Variants in CLIC5 observed in about 807,000 individuals in gnomAD.
The protein encoded by CLIC5 is CLIC family member 5.
Under a neutral mutation model 24.7 loss-of-function variants are expected in CLIC5, and 20 were observed. The observed-to-expected ratio is 0.81, with a 90% CI of 0.57 to 1.18. The LOEUF (loss-of-function observed/expected upper bound fraction) is 1.18, where lower values mean the gene tolerates loss of function less well. Among genes scored for constraint, CLIC5 ranks in the 50% most tolerant of loss-of-function variants. The pLI is 0.00. For synonymous variants in CLIC5, 159 were observed against 135.6 expected (o/e 1.17, Z -1.20); for missense variants, 341 against 326.1 (o/e 1.05, Z -0.35).
intron 1 of CLIC5, among the ~76,000 whole-genome samples, chr6:45,960,041 A>G (rs537707632): frequency 1.3e-5 from 2 of 152,168 alleles, no homozygotes; most frequent in Non-Finnish European, 2.9e-5. Flanking sequence ...GAAGCATACC[A>G]TATTGATATA....
intron 4 of CLIC5, among the ~76,000 whole-genome samples, chr6:45,933,451 GA>G (rs1197849652): frequency 6.6e-6 from 1 of 152,168 alleles, no homozygotes; most frequent in African/African-American, 2.4e-5. Flanking sequence ...TTTCAGTTTG[GA>G]AAACATGGCC....
chr6:46,081,931 C>A (rs367652264), upstream of CLIC5, among the ~76,000 whole-genome samples: 1 of 152,100 alleles, frequency 6.6e-6, no homozygotes, highest in East Asian at 1.9e-4. Flanking sequence ...CCCAAAGGAG[C>A]CTTTTCAGAT....
chr6:45,899,349 T>TC lies in CLIC5; in HGVS notation c.*3738dup, dbSNP rs1460619256. On this transcript the variant is annotated 3_prime_UTR_variant, in exon 6 of 6. Coordinates refer to ENST00000339561, the MANE Select transcript of CLIC5 (RefSeq NM_016929.5). ...TTAGTTTTAACCATGAGTTAACATT[T>TC]CCTTTTTCCAAGGAGGATGACACCA... The TC allele has an allele frequency of 2.6e-5, 4 of 152,362 alleles. No individual in the cohort carries two copies. The highest frequency in any genetic ancestry group is 2.6e-4 in the Admixed American group (4 of 15,308). The allele number at this position is 152,362 out of a possible 1,614,324, so 9.4% of individuals were successfully genotyped here. A position where few individuals can be genotyped will look rare whatever the true frequency, so the allele number is the denominator to read the frequency against.
chr6:46,074,035 C>A (rs1762694011), intron 1 of CLIC5, among the ~76,000 whole-genome samples: 1 of 152,120 alleles, frequency 6.6e-6, no homozygotes, highest in Admixed American at 6.5e-5. Context: ...GAAAGAGGTC[C>A]AGGCCCACAG....
At position 45,903,162 on chromosome 6, in the gene CLIC5, T is replaced by G. The variant is rs1197692023; in HGVS notation, c.682A>C (p.Thr228Pro). Residue 228 changes from threonine (T) to proline (P), a missense_variant, in exon 6 of 6, where the codon ACC becomes CCC. Thr to Pro is a conservative substitution (Grantham distance 38). Transcript: ENST00000339561. ...TCACTGTCAGCTGCACAGGTGTTGGTGAACTCATCACGGGCATAGGCGTTC... is the reference window on the plus strand; with the variant it reads ...TCACTGTCAGCTGCACAGGTGTTGGGGAACTCATCACGGGCATAGGCGTTC... ...LKNAYARDEF[T>P]NTCAADSEIE... The G allele has an allele frequency of 6.2e-7, 1 of 1,614,128 alleles. No homozygotes were observed. The highest frequency in any genetic ancestry group is 8.5e-7 in the Non-Finnish European group (1 of 1,180,006).
chr6:45,904,625 C>G (rs1009050701), intron 5 of CLIC5, among the ~76,000 whole-genome samples: 4 of 149,818 alleles, frequency 2.7e-5, no homozygotes, highest in African/African-American at 9.8e-5. Context: ...CTTCTGACTC[C>G]CCTCCCTCCC....
At chr6:46,027,608 A>G (rs567446244) in intron 1 of CLIC5, among the ~76,000 whole-genome samples, 15 of 152,368 alleles carry the variant, frequency 9.8e-5, no homozygotes, top group Non-Finnish European at 1.8e-4. Context: ...TTGAGTTTGC[A>G]GAAACTTACT....
intron 1 of CLIC5, among the ~76,000 whole-genome samples, chr6:45,976,038 C>T (rs1765374258): frequency 6.6e-6 from 1 of 152,164 alleles, no homozygotes; most frequent in South Asian, 2.1e-4. Flanking sequence ...GGGGGCTGCT[C>T]ATCTCTGGGC....
chr6:45,990,811 C>T (rs149186100), intron 1 of CLIC5, among the ~76,000 whole-genome samples: 263 of 152,314 alleles, frequency 1.7e-3, no homozygotes, highest in African/African-American at 6.0e-3. Flanking sequence ...TTAAGTGGCA[C>T]ACAGGTTGTT....
chr6:45,947,358 G>A (rs1455747680), intron 3 of CLIC5, among the ~76,000 whole-genome samples: 2 of 152,182 alleles, frequency 1.3e-5, no homozygotes, highest in African/African-American at 4.8e-5. Flanking sequence ...GAGATATCCT[G>A]TCACAGAGAA....
chr6:45,949,038 T>C (rs935752535), intron 3 of CLIC5, among the ~76,000 whole-genome samples: 14 of 152,058 alleles, frequency 9.2e-5, no homozygotes, highest in African/African-American at 3.4e-4. Flanking sequence ...CTGGCTCTTG[T>C]TCATAGGCCA....
At chr6:45,988,877 T>C (rs551565683) in intron 1 of CLIC5, among the ~76,000 whole-genome samples, 2 of 152,220 alleles carry the variant, frequency 1.3e-5, no homozygotes, top group African/African-American at 4.8e-5. Flanking sequence ...GCAGGCTCAG[T>C]GCAGCTGCAG....
chr6:46,004,922 G>C (rs1035197166), intron 1 of CLIC5, among the ~76,000 whole-genome samples: 1 of 152,206 alleles, frequency 6.6e-6, no homozygotes, highest in African/African-American at 2.4e-5. Flanking sequence ...AGACACTGCT[G>C]TCTCTAGATT....
chr6:46,027,498 T>G (rs1358134387), intron 1 of CLIC5, among the ~76,000 whole-genome samples: 3 of 152,222 alleles, frequency 2.0e-5, no homozygotes, highest in Admixed American at 2.0e-4. Context: ...TATTCAACCT[T>G]TGTAGTTTCA....
At chr6:45,972,266 C>A (rs1021940824) in intron 1 of CLIC5, among the ~76,000 whole-genome samples, 10 of 152,276 alleles carry the variant, frequency 6.6e-5, no homozygotes, top group African/African-American at 2.4e-4. Context: ...AAGCTGTCTC[C>A]ATCCCTGTAA....
chr6:45,936,826 G>C (rs932052403), intron 4 of CLIC5, among the ~76,000 whole-genome samples: 5 of 152,070 alleles, frequency 3.3e-5, no homozygotes, highest in African/African-American at 1.2e-4. Flanking sequence ...ACAAGAAAAC[G>C]AAGCAACTTC....
At chr6:46,050,414 A>T (rs148641972) in intron 1 of CLIC5, among the ~76,000 whole-genome samples, 2 of 152,326 alleles carry the variant, frequency 1.3e-5, no homozygotes, top group African/African-American at 4.8e-5. Flanking sequence ...CCATTTGTCC[A>T]AGCACAAAGT....
chr6:45,999,996 C>T (rs1184747797), intron 1 of CLIC5, among the ~76,000 whole-genome samples: 1 of 26,002 alleles, frequency 3.8e-5, no homozygotes, highest in Non-Finnish European at 7.3e-5. Context: ...ATGATCCACC[C>T]GCCTCGGCCT....
At position 46,078,731 on chromosome 6, in the gene CLIC5, G is replaced by A. The variant is rs565393627; in HGVS notation, c.540+972C>T. ...GCACTATACTAGATTATTTTTAAAA[G>A]GACCTTGTAGTAGAATAAGTGATCC... On this transcript the variant is annotated intron_variant, in intron 1 of 5. Coordinates refer to the CLIC5 transcript ENST00000185206. Among the ~76,000 whole-genome samples the A allele has an allele frequency of 3.3e-5, 5 of 152,206 alleles. No homozygotes were observed. In the South Asian group the frequency reaches 1.0e-3, roughly 32 times the overall value.
Sources: allele counts gnomAD v4.1 joint callset (sites outside exome capture counted in the v4.1 genomes callset), GRCh38; gene constraint gnomAD v4.1.1; transcripts MANE v1.5; gene names NCBI Gene and HGNC (gene_info 2026-07-23, HGNC 2026-07-21).